The following IL1RAPL2 variants were observed in gnomAD, a reference collection of about 807,000 sequenced individuals.
The protein encoded by IL1RAPL2 is X-linked interleukin-1 receptor accessory protein-like 2.
In IL1RAPL2, 3 loss-of-function variants were observed where a neutral mutation model predicts 44.1. The observed-to-expected ratio is 0.07, with a 90% CI of 0.03 to 0.18. IL1RAPL2 has a LOEUF of 0.18. IL1RAPL2 is among the 10% of genes least tolerant of loss of function. IL1RAPL2 has a pLI of 1.00. For synonymous variants in IL1RAPL2, 181 were observed against 178.8 expected (o/e 1.01, Z -0.10); for missense variants, 391 against 496.4 (o/e 0.79, Z 2.02).
At chrX:105,413,408 A>G (rs1319417705) in intron 5 of IL1RAPL2, among the ~76,000 whole-genome samples, 4 of 111,466 alleles carry the variant, frequency 3.6e-5, no homozygotes, top group East Asian at 5.7e-4. Context: ...TAAGAAGAAG[A>G]AGGCAGAAAT....
Position 105,750,441 on chromosome X carries a change from TTTA to T in IL1RAPL2, c.1192+1377_1192+1379del, listed in dbSNP as rs199583433. Among the ~76,000 whole-genome samples, 744 of 91,552 alleles carry T rather than the reference TTTA, an allele frequency of 8.1e-3. 3 individuals are homozygous for T. Among genetic ancestry groups the T allele is most frequent in the South Asian group, 0.011 (20 of 1,775 alleles). 79.5% of individuals were successfully genotyped at this position (91,552 alleles called of 115,157 possible). On this transcript the variant is annotated intron_variant, in intron 9 of 10. Coordinates refer to ENST00000372582, the MANE Select transcript of IL1RAPL2 (RefSeq NM_017416.2). ...GGTGCATGCCACCATGCCTGGCCAA[TTTA>T]TTATTATTATTATTATTATTATTAT...
chrX:104,955,954 C>T (rs1925700756), intron 2 of IL1RAPL2, among the ~76,000 whole-genome samples: 1 of 111,923 alleles, frequency 8.9e-6, no homozygotes, highest in Non-Finnish European at 1.9e-5. Context: ...TTGAAATGTA[C>T]CCAAAATGAT....
At chrX:105,194,496 C>T (rs2033658057) in intron 2 of IL1RAPL2, among the ~76,000 whole-genome samples, 1 of 111,802 alleles carries the variant, frequency 8.9e-6, no homozygotes, top group African/African-American at 3.3e-5. Context: ...CGATTGGCCA[C>T]AGCATTTCAT....
At chrX:104,580,337 A>C (rs1928321794) in intron 1 of IL1RAPL2, among the ~76,000 whole-genome samples, 1 of 112,800 alleles carries the variant, frequency 8.9e-6, no homozygotes, top group African/African-American at 3.2e-5. Flanking sequence ...TTCATTTTAT[A>C]GACATTACAA....
intron 2 of IL1RAPL2, among the ~76,000 whole-genome samples, chrX:105,113,112 G>A (rs2032818464): frequency 8.9e-6 from 1 of 112,367 alleles, no homozygotes; most frequent in African/African-American, 3.2e-5. Flanking sequence ...TAATTATATA[G>A]GGGAGGATAC....
At chrX:104,609,033 G>C (rs1241089243) in intron 1 of IL1RAPL2, among the ~76,000 whole-genome samples, 2 of 111,701 alleles carry the variant, frequency 1.8e-5, no homozygotes, top group Non-Finnish European at 3.8e-5. Flanking sequence ...AGGAGCTCTT[G>C]TAAGGCAGGC....
intron 5 of IL1RAPL2, among the ~76,000 whole-genome samples, chrX:105,401,978 A>C (rs1251778534): frequency 9.0e-6 from 1 of 110,513 alleles, no homozygotes; most frequent in South Asian, 3.8e-4. Context: ...GCTTGAAAAA[A>C]ATTGTCACTT....
chrX:105,408,058 T>A (rs2035662148), intron 5 of IL1RAPL2, among the ~76,000 whole-genome samples: 3 of 110,695 alleles, frequency 2.7e-5, no homozygotes, highest in Non-Finnish European at 5.7e-5. Context: ...TATGGTAGAG[T>A]TGCCTGCTAA....
chrX:105,493,576 T>C lies in IL1RAPL2; in HGVS notation c.772+9189T>C, dbSNP rs144186202. On this transcript the variant is annotated intron_variant, in intron 6 of 10. Transcript: ENST00000372582. ...GGCCATTTGTATGTCTTTGGAAAAA[T>C]GTCTATGGCCCCTTTTTTAAATGAG... Among the ~76,000 whole-genome samples, 636 of 111,743 alleles carry C rather than the reference T, an allele frequency of 5.7e-3. 5 individuals are homozygous for C. The highest frequency in any genetic ancestry group is 0.019 in the African/African-American group (593 of 30,750).
At chrX:105,534,969 G>C (rs185596363) in intron 6 of IL1RAPL2, among the ~76,000 whole-genome samples, 28 of 111,936 alleles carry the variant, frequency 2.5e-4, no homozygotes, top group African/African-American at 9.1e-4. Context: ...TAGGCAAAGA[G>C]TTCTTAAACA....
intron 6 of IL1RAPL2, among the ~76,000 whole-genome samples, chrX:105,624,318 G>C (rs2037439270): frequency 9.0e-6 from 1 of 111,148 alleles, no homozygotes; most frequent in South Asian, 3.8e-4. Context: ...GGTATCTTGA[G>C]AGGAGGCAGC....
At chrX:104,595,910 C>A (rs774983160) in intron 1 of IL1RAPL2, among the ~76,000 whole-genome samples, 24 of 70,288 alleles carry the variant, frequency 3.4e-4, no homozygotes, top group African/African-American at 2.1e-3. Flanking sequence ...GGCCCAGGAA[C>A]CTTTTTTATT....
intron 6 of IL1RAPL2, among the ~76,000 whole-genome samples, chrX:105,711,223 T>C (rs952353912): frequency 1.8e-5 from 2 of 109,560 alleles, no homozygotes; most frequent in Non-Finnish European, 3.8e-5. Flanking sequence ...GAGTGGACAA[T>C]ATAGAAAAAG....
intron 2 of IL1RAPL2, among the ~76,000 whole-genome samples, chrX:104,705,895 G>A (rs1329961891): frequency 1.8e-5 from 2 of 111,498 alleles, no homozygotes; most frequent in East Asian, 2.8e-4. Flanking sequence ...TTTGTTTTTC[G>A]TTTCTAGCAC....
At position 104,677,945 on chromosome X, in the gene IL1RAPL2, C is replaced by G. The variant is rs778141180; in HGVS notation, c.82+18950C>G. 1.1e-4 allele frequency among the ~76,000 whole-genome samples: 12 copies of G among 112,663 alleles called. No individual in the cohort carries two copies. The East Asian group carries it at 3.1e-3, about 29-fold the overall frequency. ...TTCCCCAGTGAGGCAATGCCTCACC[C>G]TGCTTCGGCTCGCGCATGGTGCGCG... On this transcript the variant is annotated intron_variant, in intron 2 of 10. Coordinates refer to ENST00000372582, the MANE Select transcript of IL1RAPL2 (RefSeq NM_017416.2).
intron 8 of IL1RAPL2, among the ~76,000 whole-genome samples, chrX:105,741,226 T>C (rs1410998770): frequency 3.6e-5 from 4 of 111,792 alleles, no homozygotes; most frequent in Non-Finnish European, 7.5e-5. Flanking sequence ...TTGGCATCCC[T>C]TTCTCAAGTT....
chrX:105,191,350 G>A (rs1463940686), intron 2 of IL1RAPL2, among the ~76,000 whole-genome samples: 1 of 112,136 alleles, frequency 8.9e-6, no homozygotes, highest in Non-Finnish European at 1.9e-5. Flanking sequence ...AAGTAGCTGG[G>A]ACTACAGGCA....
At chrX:105,573,493 A>C (rs1231044802) in intron 6 of IL1RAPL2, among the ~76,000 whole-genome samples, 2 of 111,692 alleles carry the variant, frequency 1.8e-5, no homozygotes, top group East Asian at 5.6e-4. Flanking sequence ...AGATGGTAAG[A>C]ATAAAGAAAG....
chrX:105,210,197 C>A (rs2033797197), intron 3 of IL1RAPL2, among the ~76,000 whole-genome samples: 1 of 112,201 alleles, frequency 8.9e-6, no homozygotes, highest in African/African-American at 3.2e-5. Context: ...CTTTTCCCTT[C>A]TGTTCCAGAG....
Sources: allele counts gnomAD v4.1 joint callset (sites outside exome capture counted in the v4.1 genomes callset), GRCh38; gene constraint gnomAD v4.1.1; transcripts MANE v1.5; gene names NCBI Gene and HGNC (gene_info 2026-07-23, HGNC 2026-07-21).